The following TDRP variants were observed in gnomAD, a reference collection of about 807,000 sequenced individuals.
TDRP encodes testis development related protein.
In TDRP, 12 loss-of-function variants were observed where a neutral mutation model predicts 10.5. The observed-to-expected ratio is 1.15, with a 90% CI of 0.73 to 1.86. TDRP has a LOEUF of 1.86. Among genes scored for constraint, TDRP ranks in the 40% most tolerant of loss-of-function variants. The pLI is 0.00. For synonymous variants in TDRP, 139 were observed against 95.4 expected (o/e 1.46, Z -2.67); for missense variants, 353 against 229.2 (o/e 1.54, Z -3.49).
chr8:495,736 A>C (rs1801110281), intron 1 of TDRP, among the ~76,000 whole-genome samples: 1 of 152,242 alleles, frequency 6.6e-6, no homozygotes, highest in South Asian at 2.1e-4. Flanking sequence ...AGGCTGCAGC[A>C]TGACACTGAT....
intron 1 of TDRP, among the ~76,000 whole-genome samples, chr8:512,273 C>A (rs201640376): frequency 0.17 from 17,613 of 102,732 alleles, 1,194 homozygotes; most frequent in East Asian, 0.28. Context: ...ACAACAACAA[C>A]AAAAAAAAAA....
In TDRP at chr8:502,933, T is replaced by C. The variant is rs115944683; in HGVS notation, c.109-8336A>G. 1.9e-3 allele frequency among the ~76,000 whole-genome samples: 257 copies of C among 136,982 alleles called. 3 individuals carry two copies. The highest frequency in any genetic ancestry group is 6.4e-3 in the African/African-American group (230 of 35,786). The allele number at this position is 136,982 out of a possible 152,430, so 89.9% of individuals were successfully genotyped here. A position where few individuals can be genotyped will look rare whatever the true frequency, so the allele number is the denominator to read the frequency against. On this transcript the variant is annotated intron_variant, in intron 1 of 2. Transcript: ENST00000324079. ...GTGCCCACCTCAGCACGTGTCAACATTGAATCCAGAGCCACACACTGGAAC... is the reference window on the plus strand; with the variant it reads ...GTGCCCACCTCAGCACGTGTCAACACTGAATCCAGAGCCACACACTGGAAC...
rs750843732 is a variant in TDRP at position 492,480 on chromosome 8, G to A, written c.477C>T (p.Ser159=). The A allele has an allele frequency of 9.3e-6, 15 of 1,608,848 alleles. No individual in the cohort carries two copies. Among genetic ancestry groups the A allele is most frequent in the Admixed American group, 3.4e-5 (2 of 59,674 alleles). Reference sequence around the variant, plus strand: ...TCACCAGCCTCCCTGCCGCGCGCAGGCTCCACCTGGAGCTGTTGGCAGAGC... The same window carrying A: ...TCACCAGCCTCCCTGCCGCGCGCAGACTCCACCTGGAGCTGTTGGCAGAGC... ...LASSANSSRW[S]LRAAGRLVSI... The change falls in exon 3 of 3, where the codon AGC becomes AGT. Residue 159 remains serine, a synonymous_variant. Coordinates refer to ENST00000324079, the MANE Select transcript of TDRP (RefSeq NM_001384899.1).
At chr8:499,910 T>G (rs1801240480) in intron 1 of TDRP, among the ~76,000 whole-genome samples, 1 of 152,164 alleles carries the variant, frequency 6.6e-6, no homozygotes, top group African/African-American at 2.4e-5. Context: ...GTGCTGCTCA[T>G]GGTATGGGGC....
chr8:509,548 G>C (rs764393100), intron 1 of TDRP, among the ~76,000 whole-genome samples: 18 of 152,168 alleles, frequency 1.2e-4, no homozygotes, highest in Non-Finnish European at 2.2e-4. Context: ...CCCATGGCTG[G>C]AGCGGCTGGG....
At chr8:523,676 T>A in intron 1 of TDRP, among the ~76,000 whole-genome samples, 1 of 152,130 alleles carries the variant, frequency 6.6e-6, no homozygotes, top group East Asian at 1.9e-4. Context: ...TCCGAGGGCC[T>A]GGGGCAGTGG....
upstream of TDRP, among the ~76,000 whole-genome samples, chr8:545,426 C>G (rs1237382223): frequency 6.7e-6 from 1 of 149,740 alleles, no homozygotes; most frequent in South Asian, 2.1e-4. Context: ...CGCCGACCCC[C>G]ACTTACTCCC....
intron 1 of TDRP, among the ~76,000 whole-genome samples, chr8:522,145 C>A (rs1301828375): frequency 1.3e-5 from 2 of 152,168 alleles, no homozygotes; most frequent in African/African-American, 4.8e-5. Context: ...CATACAAGGT[C>A]AGACAGTCCC....
At chr8:521,663 T>C (rs774601019) in intron 1 of TDRP, among the ~76,000 whole-genome samples, 1 of 152,206 alleles carries the variant, frequency 6.6e-6, no homozygotes, top group Non-Finnish European at 1.5e-5. Context: ...AGTTGGAAAG[T>C]GTGAGGCTTC....
intron 1 of TDRP, among the ~76,000 whole-genome samples, chr8:501,814 C>T: frequency 6.6e-6 from 1 of 152,224 alleles, no homozygotes. Flanking sequence ...CCGTTATCAA[C>T]CACAGGGCAC....
At chr8:511,735 CAA>C (rs1682505573) in intron 1 of TDRP, among the ~76,000 whole-genome samples, 1 of 152,082 alleles carries the variant, frequency 6.6e-6, no homozygotes, top group African/African-American at 2.4e-5. Context: ...TAAAACTATT[CAA>C]AGTCCTTTCT....
At position 491,765 on chromosome 8, in the gene TDRP, C is replaced by T; in HGVS notation, c.*634G>A. ...AAAATAAAATTCCAAAAAAGAACCACTGTTACTATCCAGTGGACATACAAG... is the reference window on the plus strand; with the variant it reads ...AAAATAAAATTCCAAAAAAGAACCATTGTTACTATCCAGTGGACATACAAG... On this transcript the variant is annotated 3_prime_UTR_variant, in exon 3 of 3. Coordinates refer to ENST00000324079, the MANE Select transcript of TDRP (RefSeq NM_001384899.1). The T allele has an allele frequency of 7.2e-7, 1 of 1,395,070 alleles. No individual in the cohort carries two copies. Among genetic ancestry groups the T allele is most frequent in the Non-Finnish European group, 9.2e-7 (1 of 1,084,144 alleles). The allele number at this position is 1,395,070 out of a possible 1,614,324, so 86.4% of individuals were successfully genotyped here.
chr8:524,761 A>G (rs1801993919), intron 1 of TDRP, among the ~76,000 whole-genome samples: 1 of 152,236 alleles, frequency 6.6e-6, no homozygotes, highest in Admixed American at 6.5e-5. Flanking sequence ...ACACAGTCAG[A>G]GGAGACATGA....
chr8:507,472 G>A lies in TDRP; in HGVS notation c.109-12875C>T, dbSNP rs564588311. Among the ~76,000 whole-genome samples the A allele has an allele frequency of 2.6e-5, 4 of 152,248 alleles. No individual in the cohort carries two copies. The South Asian group carries it at 8.3e-4, about 32-fold the overall frequency. On this transcript the variant is annotated intron_variant, in intron 1 of 2. Transcript: ENST00000324079. ...TGGATTCATTTGTAGAGCAATGTAT[G>A]CCCCAGGACATTTTTTAAACCATAC...
At chr8:518,041 A>G (rs531083641) in intron 1 of TDRP, among the ~76,000 whole-genome samples, 1 of 152,350 alleles carries the variant, frequency 6.6e-6, no homozygotes, top group South Asian at 2.1e-4. Context: ...ACTGGTGGAC[A>G]CGTGCCACCG....
Position 491,610 on chromosome 8 carries a change from C to T in TDRP, c.*789G>A. On this transcript the variant is annotated 3_prime_UTR_variant, in exon 3 of 3. Coordinates refer to ENST00000324079, the MANE Select transcript of TDRP (RefSeq NM_001384899.1). ...CACAGTCTTAACTCTCTATAATGAG[C>T]AAGACAATGTTTCCTAAATGAAATT... 6.5e-7 allele frequency: 1 copy of T among 1,530,318 alleles called. No homozygotes were observed. The highest frequency in any genetic ancestry group is 1.4e-5 in the African/African-American group (1 of 72,908). 94.8% of individuals were successfully genotyped at this position (1,530,318 alleles called of 1,614,324 possible). A position where few individuals can be genotyped will look rare whatever the true frequency, so the allele number is the denominator to read the frequency against.
chr8:544,430 ACAGCGGCAACT>A (rs980869300), intron 1 of TDRP, among the ~76,000 whole-genome samples: 8 of 152,076 alleles, frequency 5.3e-5, no homozygotes, highest in Non-Finnish European at 1.2e-4. Flanking sequence ...CACGCGGACC[ACAGCGGCAACT>A]CAGCCCAGGA....
At chr8:492,807 T>C in intron 2 of TDRP, 63 bp from the exon 3 acceptor site, 1 of 1,244,992 alleles carries the variant, frequency 8.0e-7, no homozygotes, top group East Asian at 2.4e-5. Flanking sequence ...GCTTTATCCA[T>C]TTTACAAACA....
intron 1 of TDRP, among the ~76,000 whole-genome samples, chr8:517,709 C>T (rs1801794697): frequency 6.6e-6 from 1 of 152,138 alleles, no homozygotes; most frequent in Non-Finnish European, 1.5e-5. Flanking sequence ...GGCTGTAGCC[C>T]AACAACCTTG....
Sources: allele counts gnomAD v4.1 joint callset (sites outside exome capture counted in the v4.1 genomes callset), GRCh38; gene constraint gnomAD v4.1.1; transcripts MANE v1.5; gene names NCBI Gene and HGNC (gene_info 2026-07-23, HGNC 2026-07-21).